Variants in DMD observed in about 807,000 individuals in gnomAD.
DMD encodes mutant dystrophin.
Under a neutral mutation model 330.1 loss-of-function variants are expected in DMD, and 63 were observed. The observed-to-expected ratio is 0.19, with a 90% confidence interval of 0.16 to 0.24. The LOEUF (loss-of-function observed/expected upper bound fraction) is 0.24, where lower values mean the gene tolerates loss of function less well. DMD is among the 10% of genes least tolerant of loss of function. The pLI is 1.00. For missense variants in DMD, 3,344 were observed against 2,684.1 expected (o/e 1.25, Z -5.43); for synonymous variants, 1,223 against 959.8 (o/e 1.27, Z -5.07).
chrX:32,554,817 GGAGGGAGGGGGAGGGAGA>G (rs1166973421), intron 16 of DMD, among the ~76,000 whole-genome samples: 1,041 of 49,921 alleles, frequency 0.021, 126 homozygotes, highest in African/African-American at 0.07. Context: ...AGGGAGGGAG[GGAGGGAGGGGGAGGGAGA>G]GAGAGAGAGA....
chrX:33,160,798 C>T (rs1456131600), intron 1 of DMD, among the ~76,000 whole-genome samples: 2 of 111,336 alleles, frequency 1.8e-5, no homozygotes, highest in African/African-American at 3.3e-5. Context: ...TAATCTTGGT[C>T]TTGCCTGCCG....
In DMD at chrX:32,156,683, CCTT is replaced by C. The variant is rs398124020; in HGVS notation, c.6438+60230_6438+60232del. Among the ~76,000 whole-genome samples, 4 of 109,519 alleles carry C rather than the reference CCTT, an allele frequency of 3.7e-5. No homozygotes were observed. The Admixed American group carries it at 3.9e-4, about 11-fold the overall frequency. On this transcript the variant is annotated intron_variant, in intron 44 of 78. Transcript: ENST00000357033. ...ACACACACACGCACGCAATTATTAA[CCTT>C]CTGGAGCTGTTCACCAAGCCTTGCA...
chrX:33,238,345 C>T (rs1210694386), intron 1 of DMD, among the ~76,000 whole-genome samples: 1 of 112,043 alleles, frequency 8.9e-6, no homozygotes, highest in African/African-American at 3.2e-5. Context: ...CACACACACA[C>T]AAGTGATAAT....
intron 45 of DMD, among the ~76,000 whole-genome samples, chrX:31,955,475 G>A (rs997567996): frequency 8.9e-6 from 1 of 111,976 alleles, no homozygotes; most frequent in Non-Finnish European, 1.9e-5. Flanking sequence ...CATATATCTT[G>A]TTTTTTCTTG....
At chrX:31,214,941 T>TTTC (rs1556299323) in intron 64 of DMD, among the ~76,000 whole-genome samples, 85 of 69,212 alleles carry the variant, frequency 1.2e-3, no homozygotes, top group Middle Eastern at 7.0e-3. Context: ...TTTTTTCTTT[T>TTTC]TTTTTTTTTT....
At chrX:31,830,914 G>A (rs1044994468) in intron 49 of DMD, among the ~76,000 whole-genome samples, 2 of 111,857 alleles carry the variant, frequency 1.8e-5, no homozygotes, top group Admixed American at 9.5e-5. Context: ...CTTTACCAAC[G>A]ACGTGTCTAG....
intron 52 of DMD, among the ~76,000 whole-genome samples, chrX:31,719,742 T>C (rs1240780472): frequency 1.8e-5 from 2 of 111,322 alleles, no homozygotes; most frequent in South Asian, 7.7e-4. Context: ...GCAAAACTCA[T>C]AGGTTGCTTG....
chrX:32,326,361 AGGC>A (rs1164080153), intron 41 of DMD, among the ~76,000 whole-genome samples: 1 of 112,627 alleles, frequency 8.9e-6, no homozygotes, highest in Admixed American at 9.4e-5. Context: ...TGAGTTCAGC[AGGC>A]ATTTTTTTCA....
intron 67 of DMD, among the ~76,000 whole-genome samples, chrX:31,188,946 A>AT (rs1261557474): frequency 8.9e-6 from 1 of 111,775 alleles, no homozygotes; most frequent in African/African-American, 3.3e-5. Context: ...TATCAATATA[A>AT]TAAGTTTAAA....
At chrX:31,318,143 T>C (rs982170777) in intron 62 of DMD, among the ~76,000 whole-genome samples, 1 of 111,726 alleles carries the variant, frequency 9.0e-6, no homozygotes, top group Admixed American at 9.5e-5. Flanking sequence ...GCCATGAAAG[T>C]AGTAATAGAG....
chrX:32,937,307 C>G (rs942818415), intron 2 of DMD, among the ~76,000 whole-genome samples: 1 of 109,568 alleles, frequency 9.1e-6, no homozygotes, highest in African/African-American at 3.3e-5. Flanking sequence ...AATAAATACT[C>G]CACCCTTTTC....
intron 1 of DMD, among the ~76,000 whole-genome samples, chrX:33,277,320 T>C: frequency 9.0e-6 from 1 of 111,447 alleles, no homozygotes; most frequent in South Asian, 3.7e-4. Flanking sequence ...TTTGGGGTGA[T>C]GAAAATATTT....
chrX:31,268,908 C>T (rs2051399969), intron 62 of DMD, among the ~76,000 whole-genome samples: 1 of 111,871 alleles, frequency 8.9e-6, no homozygotes, highest in Admixed American at 9.5e-5. Context: ...TTCTGACACG[C>T]TTCTCTATAA....
chrX:32,799,264 G>T (rs772767572), intron 7 of DMD, among the ~76,000 whole-genome samples: 1 of 111,051 alleles, frequency 9.0e-6, no homozygotes, highest in South Asian at 3.8e-4. Context: ...CAAAATAAAG[G>T]GGATTAAAAC....
At chrX:31,327,025 C>T (rs1333212800) in intron 61 of DMD, among the ~76,000 whole-genome samples, 1 of 111,973 alleles carries the variant, frequency 8.9e-6, no homozygotes, top group Non-Finnish European at 1.9e-5. Context: ...GCAAATTTAT[C>T]GGCAAATAGT....
At chrX:32,731,943 T>G (rs2067732369) in intron 7 of DMD, among the ~76,000 whole-genome samples, 1 of 111,852 alleles carries the variant, frequency 8.9e-6, no homozygotes, top group Admixed American at 9.5e-5. Flanking sequence ...AGAAGAAGGC[T>G]TCAGACGATC....
chrX:32,729,724 T>G (rs1301238190), intron 7 of DMD, among the ~76,000 whole-genome samples: 1 of 104,379 alleles, frequency 9.6e-6, no homozygotes, highest in African/African-American at 3.7e-5. Context: ...CTTTTTATAC[T>G]AAGAAATTCA....
At chrX:31,700,012 C>G (rs1281329840) in intron 52 of DMD, among the ~76,000 whole-genome samples, 1 of 110,150 alleles carries the variant, frequency 9.1e-6, no homozygotes, top group East Asian at 2.8e-4. Context: ...ATGGTGAAAC[C>G]CTGTCTGTAC....
At chrX:33,225,574 T>C (rs1199997672) in intron 1 of DMD, among the ~76,000 whole-genome samples, 1 of 111,071 alleles carries the variant, frequency 9.0e-6, no homozygotes, top group African/African-American at 3.3e-5. Flanking sequence ...AAAATGCAAA[T>C]AGATGATGAA....
Sources: allele counts gnomAD v4.1 joint callset (sites outside exome capture counted in the v4.1 genomes callset), GRCh38; gene constraint gnomAD v4.1.1; transcripts MANE v1.5; gene names NCBI Gene and HGNC (gene_info 2026-07-23, HGNC 2026-07-21).